The following NPTN variants were observed in gnomAD, a reference collection of about 807,000 sequenced individuals.
NPTN encodes neuroplastin, also known as SDR-1.
A neutral mutation model predicts 42.7 loss-of-function variants in NPTN; 5 were observed. The ratio of observed to expected loss-of-function variants is 0.12; its 90% CI spans 0.06 to 0.25. The LOEUF (loss-of-function observed/expected upper bound fraction) is 0.25, where lower values mean the gene tolerates loss of function less well. Ranked by LOEUF, NPTN falls within the 10% of genes least tolerant of loss-of-function variation. The probability of loss-of-function intolerance (pLI) is 1.00; values close to 1 mark genes in which losing one functional copy is unlikely to be tolerated. For missense variants in NPTN, 307 were observed against 525.4 expected (o/e 0.58, Z 4.06); for synonymous variants, 180 against 201.9 (o/e 0.89, Z 0.92).
chr15:73,572,383 G>A (rs1465011980), intron 5 of NPTN, among the ~76,000 whole-genome samples: 3 of 152,158 alleles, frequency 2.0e-5, no homozygotes, highest in Non-Finnish European at 4.4e-5. Flanking sequence ...CAATCATAAT[G>A]AGAGAGAAAG....
intron 3 of NPTN, among the ~76,000 whole-genome samples, chr15:73,590,044 T>G (rs1047404533): frequency 2.6e-5 from 4 of 151,942 alleles, no homozygotes; most frequent in Admixed American, 2.6e-4. Flanking sequence ...GTTCTTAGAC[T>G]TCTAAGTTCT....
At chr15:73,561,081 G>A (rs1187323181) in intron 8 of NPTN, 33 bp from the exon 9 acceptor site, 3 of 152,528 alleles carry the variant, frequency 2.0e-5, no homozygotes, top group African/African-American at 7.2e-5. Flanking sequence ...AAATTATAAA[G>A]GGATTATGCA....
chr15:73,594,951 TAAAA>T (rs770131038), intron 2 of NPTN, among the ~76,000 whole-genome samples: 1 of 128,892 alleles, frequency 7.8e-6, no homozygotes, highest in Non-Finnish European at 1.7e-5. Flanking sequence ...CAGGGTGTTT[TAAAA>T]AAAAAAAAAA....
At chr15:73,607,222 AT>A (rs200752266) in intron 1 of NPTN, among the ~76,000 whole-genome samples, 8 of 151,088 alleles carry the variant, frequency 5.3e-5, no homozygotes, top group Non-Finnish European at 8.9e-5. Context: ...ACACGTTATC[AT>A]TTTTTTTTCT....
chr15:73,590,703 A>C (rs1278071047), intron 3 of NPTN, among the ~76,000 whole-genome samples: 1 of 151,986 alleles, frequency 6.6e-6, no homozygotes, highest in East Asian at 1.9e-4. Context: ...CAGAGGCTGC[A>C]GTGAGCTGAG....
chr15:73,574,527 C>T (rs1224808879), intron 4 of NPTN, among the ~76,000 whole-genome samples: 1 of 152,136 alleles, frequency 6.6e-6, no homozygotes, highest in East Asian at 1.9e-4. Flanking sequence ...CTTAAGTGAT[C>T]CTCAGCTCCC....
rs1355909323 is a variant in NPTN at position 73,560,985 on chromosome 15, CAA to C, written c.*76_*77del. ...TTGCTCACTTGAAAGGGGAGAGAAC[CAA>C]AGAGGTCCAAGCAGAAAATTTTAGC... On this transcript the variant is annotated 3_prime_UTR_variant, in exon 9 of 9. Transcript: ENST00000345330. 1 of 152,488 alleles carries C rather than the reference CAA, an allele frequency of 6.6e-6. No individual in the cohort carries two copies. The highest frequency in any genetic ancestry group is 1.5e-5 in the Non-Finnish European group (1 of 68,004). The allele number at this position is 152,488 out of a possible 1,614,324, so 9.4% of individuals were successfully genotyped here.
At chr15:73,563,087 G>C in intron 7 of NPTN, 149 bp downstream of exon 7, 1 of 635,568 alleles carries the variant, frequency 1.6e-6, no homozygotes, top group Non-Finnish European at 2.8e-6. Flanking sequence ...TTTTTAGTCA[G>C]ATCTGTGTCA....
At chr15:73,579,754 G>A (rs1189323668) in intron 4 of NPTN, among the ~76,000 whole-genome samples, 2 of 152,048 alleles carry the variant, frequency 1.3e-5, no homozygotes, top group Non-Finnish European at 2.9e-5. Context: ...CAATGGAGAG[G>A]GGCACACTGA....
chr15:73,622,032 AT>A (rs1898158561), intron 1 of NPTN, among the ~76,000 whole-genome samples: 1 of 152,140 alleles, frequency 6.6e-6, no homozygotes. Flanking sequence ...GTATAAAGTA[AT>A]CACATCCCAT....
chr15:73,632,055 C>T (rs1206734814), intron 1 of NPTN, among the ~76,000 whole-genome samples: 1 of 152,124 alleles, frequency 6.6e-6, no homozygotes, highest in Non-Finnish European at 1.5e-5. Flanking sequence ...ACTTCCCCAT[C>T]TCCCTGTCGC....
chr15:73,567,648 C>T, intron 6 of NPTN: 1 of 985,244 alleles, frequency 1.0e-6, no homozygotes, highest in Non-Finnish European at 1.2e-6. Context: ...ATGATTACTT[C>T]CAGGAAAGGA....
chr15:73,568,715 G>A (rs1329971860), intron 6 of NPTN: 1 of 985,408 alleles, frequency 1.0e-6, no homozygotes, highest in African/African-American at 1.7e-5. Flanking sequence ...CATTTGCAGA[G>A]GCCGTCTGCT....
intron 7 of NPTN, 40 bp downstream of exon 7, chr15:73,563,196 A>T (rs1486188156): frequency 7.4e-7 from 1 of 1,346,252 alleles, no homozygotes; most frequent in Admixed American, 1.7e-5. Flanking sequence ...AACATCATTC[A>T]ATCAGATACT....
chr15:73,568,611 G>C (rs1251553650), intron 6 of NPTN: 1 of 985,312 alleles, frequency 1.0e-6, no homozygotes, highest in Non-Finnish European at 1.2e-6. Flanking sequence ...AAAGCATTAG[G>C]AGTACATGAA....
chr15:73,593,254 G>T (rs1896680883), intron 2 of NPTN, among the ~76,000 whole-genome samples: 1 of 152,140 alleles, frequency 6.6e-6, no homozygotes, highest in South Asian at 2.1e-4. Flanking sequence ...CTGTATTAAA[G>T]TCAAGACATT....
chr15:73,597,414 A>G lies in NPTN; in HGVS notation c.92-45T>C. ...GAATGCAGTGACAGGCCAATCAGAA[A>G]AAAAAAAAAGAATCAACAGGTGTTA... is the stretch of plus-strand genomic sequence containing the variant. On this transcript the variant is annotated intron_variant, in intron 1 of 8. Transcript: ENST00000345330. This position sits in a 1 kb window ranked among gnomAD's most constrained non-coding sequence, Gnocchi z 6.3. 1.4e-6 allele frequency: 2 copies of G among 1,405,628 alleles called. No individual in the cohort carries two copies. The highest frequency in any genetic ancestry group is 1.9e-6 in the Non-Finnish European group (2 of 1,026,712). The allele number at this position is 1,405,628 out of a possible 1,614,324, so 87.1% of individuals were successfully genotyped here.
In NPTN at chr15:73,573,665, G is replaced by GGGC. The variant is rs746982520; in HGVS notation, c.834_836dup (p.Pro279dup). ...CCCGGGCCTGCCTCCTACTCACCAT[G>GGGC]GGCATCCCGTTCTCCTTCTTGCGCC... On this transcript the variant is annotated inframe_insertion, in exon 5 of 9. Coordinates refer to ENST00000345330, the MANE Select transcript of NPTN (RefSeq NM_012428.4). The GGGC allele has an allele frequency of 5.1e-6, 8 of 1,576,352 alleles. No individual in the cohort carries two copies. The highest frequency in any genetic ancestry group is 4.0e-4 in the Middle Eastern group (2 of 4,998).
intron 1 of NPTN, among the ~76,000 whole-genome samples, chr15:73,598,694 A>G (rs1316549304): frequency 6.6e-6 from 1 of 152,220 alleles, no homozygotes; most frequent in Non-Finnish European, 1.5e-5. Flanking sequence ...TGCATAAGCC[A>G]AGCCAGCCCC....
Sources: allele counts gnomAD v4.1 joint callset (sites outside exome capture counted in the v4.1 genomes callset), GRCh38; gene constraint gnomAD v4.1.1; non-coding constraint Gnocchi (gnomAD v3.1); transcripts MANE v1.5; gene names NCBI Gene and HGNC (gene_info 2026-07-23, HGNC 2026-07-21).